Variants in EPSTI1 observed in about 807,000 individuals in gnomAD.
EPSTI1 encodes the protein epithelial stromal interaction 1, also known as epithelial-stromal interaction protein 1.
EPSTI1 carries 66 observed loss-of-function variants against 49.9 expected under a neutral mutation model. The observed-to-expected ratio is 1.32, with a 90% CI of 1.08 to 1.62. The LOEUF is 1.62. EPSTI1 is among the 40% of genes most tolerant of loss of function. The pLI, the probability that EPSTI1 is intolerant of heterozygous loss-of-function variation, is 0.00. For synonymous variants in EPSTI1, 137 were observed against 130.7 expected (o/e 1.05, Z -0.33); for missense variants, 394 against 365.5 (o/e 1.08, Z -0.64).
intron 8 of EPSTI1, among the ~76,000 whole-genome samples, chr13:42,901,045 G>A (rs2037337926): frequency 1.3e-5 from 2 of 152,128 alleles, no homozygotes; most frequent in South Asian, 4.1e-4. Flanking sequence ...TATGTTTACA[G>A]TATTATACCG....
chr13:42,983,590 C>A (rs1210646665), intron 1 of EPSTI1, among the ~76,000 whole-genome samples: 1,687 of 88,028 alleles, frequency 0.019, no homozygotes, highest in African/African-American at 0.039. Context: ...AAAAAAAAAA[C>A]AATGATAAGA....
At chr13:42,955,879 G>C (rs866639879) in intron 5 of EPSTI1, among the ~76,000 whole-genome samples, 21 of 106,110 alleles carry the variant, frequency 2.0e-4, no homozygotes, top group East Asian at 5.4e-4. Context: ...GAAGTATTTG[G>C]GGGGGGGGGG....
chr13:42,973,252 T>C (rs2039807892), intron 1 of EPSTI1, among the ~76,000 whole-genome samples: 1 of 152,218 alleles, frequency 6.6e-6, no homozygotes, highest in Non-Finnish European at 1.5e-5. Flanking sequence ...CTTCAGTCAA[T>C]CTATGGCCAA....
intron 8 of EPSTI1, among the ~76,000 whole-genome samples, chr13:42,905,492 T>A (rs1321370019): frequency 2.6e-5 from 4 of 152,192 alleles, no homozygotes; most frequent in Non-Finnish European, 5.9e-5. Context: ...CTTGGTTCAT[T>A]TACTGAGATC....
chr13:42,890,325 T>A (rs1425944390), intron 10 of EPSTI1, among the ~76,000 whole-genome samples: 1 of 138,434 alleles, frequency 7.2e-6, no homozygotes. Context: ...TGAGAAAGAG[T>A]CTCGCTCTGT....
intron 8 of EPSTI1, among the ~76,000 whole-genome samples, chr13:42,903,747 AT>A (rs1219634205): frequency 6.6e-6 from 1 of 152,190 alleles, no homozygotes; most frequent in Non-Finnish European, 1.5e-5. Flanking sequence ...GATTAAATAA[AT>A]TTTATAGAAG....
intron 8 of EPSTI1, among the ~76,000 whole-genome samples, chr13:42,908,611 T>C (rs1453088403): frequency 1.3e-5 from 2 of 151,470 alleles, no homozygotes; most frequent in Non-Finnish European, 2.9e-5. Context: ...ACAAATGAGA[T>C]TACATCAAAC....
At chr13:42,915,553 A>G (rs533833810) in intron 8 of EPSTI1, among the ~76,000 whole-genome samples, 1 of 152,320 alleles carries the variant, frequency 6.6e-6, no homozygotes, top group African/African-American at 2.4e-5. Context: ...AATGCCTTCA[A>G]TGAACGTTTC....
At chr13:42,890,777 G>A (rs1001123586) in intron 10 of EPSTI1, among the ~76,000 whole-genome samples, 3 of 151,670 alleles carry the variant, frequency 2.0e-5, no homozygotes, top group African/African-American at 4.8e-5. Context: ...GATTTTCTAC[G>A]TAAATAATTG....
chr13:42,891,231 T>C (rs1176975560), intron 10 of EPSTI1, among the ~76,000 whole-genome samples: 1 of 152,262 alleles, frequency 6.6e-6, no homozygotes, highest in Non-Finnish European at 1.5e-5. Context: ...CAAAGTCATG[T>C]TTACCTGCTT....
Position 42,888,481 on chromosome 13 carries a change from A to C in EPSTI1, c.*13T>G, listed in dbSNP as rs2036930078. On this transcript the variant is annotated 3_prime_UTR_variant, in exon 11 of 11. Coordinates refer to ENST00000313624, the MANE Select transcript of EPSTI1 (RefSeq NM_033255.5). The stretch of plus-strand genomic sequence containing the variant: ...GGTCAGTTGATGAAGGCCAGATAGG[A>C]GTCAATATTTTCTCATATACCCTGG... 2 of 1,613,722 alleles carry C rather than the reference A, an allele frequency of 1.2e-6. No homozygotes were observed. Among genetic ancestry groups the C allele is most frequent in the Non-Finnish European group, 1.7e-6 (2 of 1,179,792 alleles).
chr13:42,941,083 G>T (rs908095714), intron 6 of EPSTI1, among the ~76,000 whole-genome samples: 6 of 151,896 alleles, frequency 4.0e-5, no homozygotes, highest in Non-Finnish European at 7.4e-5. Context: ...TAAAGCTATG[G>T]TCTCTCTTTA....
intron 5 of EPSTI1, among the ~76,000 whole-genome samples, chr13:42,955,567 C>T (rs541439041): frequency 3.3e-5 from 5 of 152,178 alleles, no homozygotes; most frequent in African/African-American, 1.2e-4. Context: ...TTTGGGAGGC[C>T]GAGGCGGGCG....
chr13:42,968,373 G>A (rs7324112), intron 3 of EPSTI1, among the ~76,000 whole-genome samples: 3,482 of 152,180 alleles, frequency 0.023, 135 homozygotes, highest in African/African-American at 0.08. Flanking sequence ...TATCACAACC[G>A]TAAGTGGCCC....
At chr13:42,968,484 T>C (rs926342781) in intron 3 of EPSTI1, among the ~76,000 whole-genome samples, 2 of 152,144 alleles carry the variant, frequency 1.3e-5, no homozygotes, top group African/African-American at 4.8e-5. Flanking sequence ...AAAGAAAAGA[T>C]GTGAATGATT....
At chr13:42,893,938 G>C (rs184991546) in intron 10 of EPSTI1, among the ~76,000 whole-genome samples, 1 of 152,144 alleles carries the variant, frequency 6.6e-6, no homozygotes, top group African/African-American at 2.4e-5. Context: ...AAGATCCTGC[G>C]TTTCAATTAT....
At chr13:42,963,819 C>G (rs2039530628) in intron 4 of EPSTI1, among the ~76,000 whole-genome samples, 1 of 152,048 alleles carries the variant, frequency 6.6e-6, no homozygotes, top group African/African-American at 2.4e-5. Flanking sequence ...ACATAGTTAA[C>G]TTAAATGAAA....
At chr13:42,940,238 T>A (rs1251251528) in intron 6 of EPSTI1, among the ~76,000 whole-genome samples, 1 of 152,194 alleles carries the variant, frequency 6.6e-6, no homozygotes, top group Non-Finnish European at 1.5e-5. Flanking sequence ...TGCCTCAGCC[T>A]AGAACTTTCT....
intron 9 of EPSTI1, among the ~76,000 whole-genome samples, chr13:42,895,951 C>T (rs1008756575): frequency 6.6e-6 from 1 of 152,194 alleles, no homozygotes; most frequent in African/African-American, 2.4e-5. Flanking sequence ...GAACCAGTCA[C>T]ATGAGCCTCT....
Sources: allele counts gnomAD v4.1 joint callset (sites outside exome capture counted in the v4.1 genomes callset), GRCh38; gene constraint gnomAD v4.1.1; transcripts MANE v1.5; gene names NCBI Gene and HGNC (gene_info 2026-07-23, HGNC 2026-07-21).